NXPE2: variants seen among roughly 807,000 people sequenced by gnomAD.
NXPE2 encodes neurexophilin and PC-esterase domain family member 2.
In NXPE2, 34 loss-of-function variants were observed where a neutral mutation model predicts 34.4. The observed-to-expected ratio is 0.99, with a 90% CI of 0.75 to 1.31. NXPE2 has a LOEUF of 1.31. Ranked by LOEUF, NXPE2 falls within the 40% of genes most tolerant of loss-of-function variation. NXPE2 has a pLI of 0.00. For missense variants in NXPE2, 649 were observed against 672.5 expected (o/e 0.97, Z 0.39); for synonymous variants, 235 against 231.3 (o/e 1.02, Z -0.15).
the NXPE2 span, among the ~76,000 whole-genome samples, chr11:114,776,899 T>A: frequency 3.3e-5 from 5 of 152,220 alleles, no homozygotes; most frequent in Non-Finnish European, 7.3e-5. Context: ...CTGCATTTTT[T>A]CAAATAGCTA....
chr11:114,773,390 G>A, the NXPE2 span, among the ~76,000 whole-genome samples: 2 of 149,764 alleles, frequency 1.3e-5, no homozygotes, highest in East Asian at 2.0e-4. Context: ...AGAACCCCCC[G>A]CCCCTTTGCC....
At chr11:114,578,632 G>C in the NXPE2 span, among the ~76,000 whole-genome samples, 1 of 152,162 alleles carries the variant, frequency 6.6e-6, no homozygotes, top group East Asian at 1.9e-4. Context: ...GAGATCATGA[G>C]TGGCCTCATT....
chr11:114,704,248 C>T (rs1051296933), intron 4 of NXPE2, among the ~76,000 whole-genome samples, 196 bp downstream of exon 4: 2 of 152,164 alleles, frequency 1.3e-5, no homozygotes, highest in Non-Finnish European at 2.9e-5. Flanking sequence ...CAATTTTCAT[C>T]CCAAGTCAGA....
chr11:114,571,298 T>A, the NXPE2 span: 10 of 1,614,038 alleles, frequency 6.2e-6, no homozygotes, highest in Non-Finnish European at 8.5e-6. Flanking sequence ...TATTTTTTTC[T>A]CCTCCAGTTC....
At chr11:114,726,903 A>C in the NXPE2 span, among the ~76,000 whole-genome samples, 6 of 151,982 alleles carry the variant, frequency 3.9e-5, no homozygotes, top group Non-Finnish European at 8.8e-5. Context: ...AATCAGAATG[A>C]CCTTTACCAT....
At chr11:114,551,248 T>C in the NXPE2 span, 12 of 1,379,594 alleles carry the variant, frequency 8.7e-6, no homozygotes, top group African/African-American at 1.4e-4. Context: ...TCGTGAGAAG[T>C]GAATCTCTCT....
the NXPE2 span, among the ~76,000 whole-genome samples, chr11:114,808,446 G>C: frequency 7.0e-6 from 1 of 142,908 alleles, no homozygotes; most frequent in African/African-American, 2.6e-5. Flanking sequence ...TAGGCTGCTA[G>C]CAAGACTAAT....
the NXPE2 span, among the ~76,000 whole-genome samples, chr11:114,506,593 CA>C: frequency 6.6e-6 from 1 of 152,160 alleles, no homozygotes; most frequent in Admixed American, 6.5e-5. Flanking sequence ...CACAACTATA[CA>C]ATTACATGGA....
At chr11:114,505,205 T>C in the NXPE2 span, among the ~76,000 whole-genome samples, 1 of 152,030 alleles carries the variant, frequency 6.6e-6, no homozygotes, top group African/African-American at 2.4e-5. Context: ...GAACAAAACC[T>C]CTGATAAATG....
chr11:114,525,079 T>C, the NXPE2 span, among the ~76,000 whole-genome samples: 2 of 152,040 alleles, frequency 1.3e-5, no homozygotes, highest in East Asian at 3.9e-4. Flanking sequence ...CCTTCCCTTA[T>C]GCTCTGTAAG....
At chr11:114,667,203 T>C in the NXPE2 span, among the ~76,000 whole-genome samples, 1 of 152,174 alleles carries the variant, frequency 6.6e-6, no homozygotes, top group Non-Finnish European at 1.5e-5. Context: ...TTTGTTCTTT[T>C]AGAAATGAAG....
chr11:114,586,824 C>T, the NXPE2 span, among the ~76,000 whole-genome samples: 1 of 152,138 alleles, frequency 6.6e-6, no homozygotes, highest in Non-Finnish European at 1.5e-5. Context: ...TCTCTGTATG[C>T]AATGCTTTAA....
At chr11:114,715,021 A>G in the NXPE2 span, among the ~76,000 whole-genome samples, 2 of 151,554 alleles carry the variant, frequency 1.3e-5, no homozygotes, top group Non-Finnish European at 3.0e-5. Context: ...ACTCTGTGTC[A>G]ATAAATAAAT....
At chr11:114,582,655 C>A in the NXPE2 span, 1 of 1,614,196 alleles carries the variant, frequency 6.2e-7, no homozygotes, top group South Asian at 1.1e-5. Flanking sequence ...AAGTCAGTCA[C>A]CTTTCCTGAA....
the NXPE2 span, among the ~76,000 whole-genome samples, chr11:114,665,862 AC>A: frequency 6.6e-6 from 1 of 152,100 alleles, no homozygotes; most frequent in Non-Finnish European, 1.5e-5. Context: ...TTTATTGACC[AC>A]CTACAATGCA....
At chr11:114,669,159 A>G in the NXPE2 span, among the ~76,000 whole-genome samples, 1 of 152,112 alleles carries the variant, frequency 6.6e-6, no homozygotes, top group Non-Finnish European at 1.5e-5. Context: ...CCCTCTCCCC[A>G]GTGGAACAAT....
the NXPE2 span, among the ~76,000 whole-genome samples, chr11:114,623,647 G>A: frequency 1.3e-5 from 2 of 151,966 alleles, no homozygotes; most frequent in South Asian, 4.2e-4. Flanking sequence ...GTGTTGCCTT[G>A]TGTGTAACCA....
chr11:114,791,827 C>T, the NXPE2 span, among the ~76,000 whole-genome samples: 3 of 152,076 alleles, frequency 2.0e-5, no homozygotes, highest in Admixed American at 6.5e-5. Flanking sequence ...GAGGCCGAGG[C>T]GGGCGGATCA....
the NXPE2 span, among the ~76,000 whole-genome samples, chr11:114,648,542 T>C: frequency 6.6e-6 from 1 of 152,188 alleles, no homozygotes; most frequent in African/African-American, 2.4e-5. Flanking sequence ...AACACTCTTA[T>C]AGAAACACCC....
Sources: gnomAD v4.1 joint callset for allele counts (sites outside exome capture counted in the v4.1 genomes callset) on GRCh38, gnomAD v4.1.1 for gene constraint, MANE v1.5 for transcripts, NCBI Gene and HGNC (gene_info 2026-07-23, HGNC 2026-07-21) for gene names.